EVI5: variants seen among roughly 807,000 people sequenced by gnomAD.
EVI5 encodes the protein ecotropic viral integration site 5 protein homolog.
A neutral mutation model predicts 112.0 loss-of-function variants in EVI5; 73 were observed. The observed-to-expected ratio is 0.65, with a 90% CI of 0.54 to 0.79. The LOEUF is 0.79. Among genes scored for constraint, EVI5 ranks in the 30% least tolerant of loss-of-function variants. The pLI is 0.00. For synonymous variants in EVI5, 305 were observed against 319.9 expected (o/e 0.95, Z 0.50); for missense variants, 900 against 968.8 (o/e 0.93, Z 0.94).
intron 19 of EVI5, among the ~76,000 whole-genome samples, chr1:92,561,058 T>A (rs1199608812): frequency 6.6e-6 from 1 of 152,164 alleles, no homozygotes; most frequent in Admixed American, 6.5e-5. Flanking sequence ...TCTGTTTTCA[T>A]CACATAGACA....
chr1:92,752,698 C>A (rs1680372269), intron 1 of EVI5, among the ~76,000 whole-genome samples: 1 of 152,008 alleles, frequency 6.6e-6, no homozygotes, highest in Non-Finnish European at 1.5e-5. Context: ...TTATGACATC[C>A]TCCTCCATAT....
intron 1 of EVI5, among the ~76,000 whole-genome samples, chr1:92,738,938 CCTGT>C (rs1387388451): frequency 1.3e-5 from 2 of 152,046 alleles, no homozygotes; most frequent in Non-Finnish European, 2.9e-5. Context: ...TCACAAAGTT[CCTGT>C]CTATCTCATA....
intron 14 of EVI5, among the ~76,000 whole-genome samples, chr1:92,630,305 T>TTC (rs1470988280): frequency 1.3e-5 from 2 of 152,210 alleles, no homozygotes; most frequent in Non-Finnish European, 2.9e-5. Context: ...GTGTTCCTAT[T>TTC]TCTCCACATC....
At chr1:92,567,285 T>G (rs1669648792) in intron 18 of EVI5, among the ~76,000 whole-genome samples, 1 of 152,188 alleles carries the variant, frequency 6.6e-6, no homozygotes, top group African/African-American at 2.4e-5. Flanking sequence ...AAAGTTACAC[T>G]AAGCTAAGGT....
chr1:92,694,196 C>T (rs1044394931), intron 8 of EVI5, 103 bp downstream of exon 8: 6 of 668,102 alleles, frequency 9.0e-6, no homozygotes, highest in Non-Finnish European at 1.6e-5. Flanking sequence ...ACCTGGGAGG[C>T]AGAGGTTGCA....
chr1:92,563,657 T>C lies in EVI5; in HGVS notation c.2151A>G (p.Ala717=), dbSNP rs1243462392. 2 of 1,585,714 alleles carry C rather than the reference T, an allele frequency of 1.3e-6. No individual in the cohort carries two copies. Among genetic ancestry groups the C allele is most frequent in the African/African-American group, 1.3e-5 (1 of 74,334 alleles). The change falls in exon 19 of 20, where the codon GCA becomes GCG. Residue 717 remains alanine (A), a synonymous_variant. Coordinates refer to ENST00000684568, the MANE Select transcript of EVI5 (RefSeq NM_001350197.2). ...TATCACTTACCTCATGATTCAGCTC[T>C]GCTATCTGATCTTTCAGTTCCCCAA... The part of the protein sequence containing the change: ...QYIGELKDQI[A]ELNHELRCLK...
intron 9 of EVI5, among the ~76,000 whole-genome samples, chr1:92,680,474 A>C (rs1051988940): frequency 2.0e-5 from 3 of 152,198 alleles, no homozygotes; most frequent in Non-Finnish European, 4.4e-5. Flanking sequence ...TAAATAAATG[A>C]GGGTGAAGGG....
At chr1:92,559,526 C>T (rs1668188157) in intron 19 of EVI5, among the ~76,000 whole-genome samples, 1 of 152,030 alleles carries the variant, frequency 6.6e-6, no homozygotes, top group African/African-American at 2.4e-5. Flanking sequence ...GTAATCCCAG[C>T]ACTTTGGGAG....
chr1:92,559,474 A>G (rs765947175), intron 19 of EVI5, among the ~76,000 whole-genome samples: 30 of 151,954 alleles, frequency 2.0e-4, no homozygotes, highest in Non-Finnish European at 3.1e-4. Context: ...ACTGATTTTC[A>G]CACATTAAGA....
At chr1:92,699,825 T>C (rs1670872411) in intron 5 of EVI5, among the ~76,000 whole-genome samples, 1 of 152,210 alleles carries the variant, frequency 6.6e-6, no homozygotes, top group Non-Finnish European at 1.5e-5. Context: ...CAGTCCACCG[T>C]TGACCAAAAT....
chr1:92,661,049 G>A (rs1304604469), intron 13 of EVI5, among the ~76,000 whole-genome samples: 1 of 151,866 alleles, frequency 6.6e-6, no homozygotes, highest in Non-Finnish European at 1.5e-5. Flanking sequence ...CTGTCTTTGA[G>A]TATACAAGAT....
chr1:92,606,902 ACACACACACACACACACACACCCC>A (rs1468951842), intron 17 of EVI5, among the ~76,000 whole-genome samples: 1 of 99,252 alleles, frequency 1.0e-5, no homozygotes, highest in Non-Finnish European at 2.2e-5. Context: ...ACACACACAC[ACACACACACACACACACACACCCC>A]CCCAAACCCT....
chr1:92,513,675 G>A lies in EVI5; in HGVS notation c.2462C>T (p.Ser821Leu), dbSNP rs1213431324. Residue 821 changes from serine to leucine, a missense_variant, in exon 20 of 20, where the codon TCG becomes TTG. Physicochemically the swap from Ser to Leu is moderately radical, Grantham distance 145 (BLOSUM62 -2). Coordinates refer to ENST00000684568, the MANE Select transcript of EVI5 (RefSeq NM_001350197.2). ...TGATGGTCAGACAGTGGTTGAATAC[G>A]ACTCTCTTCTTCTCGGGGGCCGCTC... ...QKERPPRRRE[S>L]YSTTV 1.6e-5 allele frequency: 25 copies of A among 1,606,742 alleles called. No individual in the cohort carries two copies. The highest frequency in any genetic ancestry group is 2.2e-5 in the East Asian group (1 of 44,782).
intron 1 of EVI5, among the ~76,000 whole-genome samples, chr1:92,750,666 C>T (rs767409439): frequency 2.0e-4 from 31 of 152,090 alleles, no homozygotes; most frequent in Middle Eastern, 3.2e-3. Context: ...TACCCCGTTG[C>T]CTTTTTCCCC....
At chr1:92,792,213 C>T in intron 1 of EVI5, 2 of 618,916 alleles carry the variant, frequency 3.2e-6, no homozygotes, top group East Asian at 2.8e-5. Flanking sequence ...GAAATGTTAA[C>T]AAGCTGTTCC....
At chr1:92,619,814 G>A (rs575303423) in intron 16 of EVI5, among the ~76,000 whole-genome samples, 6 of 151,838 alleles carry the variant, frequency 4.0e-5, no homozygotes, top group East Asian at 1.9e-4. Context: ...AGTAACAGAC[G>A]TAAAGAATAC....
intron 19 of EVI5, among the ~76,000 whole-genome samples, chr1:92,528,013 T>C (rs1230285223): frequency 6.6e-6 from 1 of 152,242 alleles, no homozygotes; most frequent in Non-Finnish European, 1.5e-5. Flanking sequence ...TAGTAAATAC[T>C]GCCAAACCAT....
chr1:92,517,871 T>TACA (rs1660175510), intron 19 of EVI5, among the ~76,000 whole-genome samples: 1 of 147,502 alleles, frequency 6.8e-6, no homozygotes, highest in Non-Finnish European at 1.5e-5. Context: ...AAATTACACA[T>TACA]ACAATATTAT....
intron 18 of EVI5, among the ~76,000 whole-genome samples, chr1:92,591,198 G>A (rs1276364106): frequency 6.6e-6 from 1 of 152,182 alleles, no homozygotes; most frequent in Non-Finnish European, 1.5e-5. Context: ...GGAAGAAACT[G>A]CATCAACTAA....
Sources: gnomAD v4.1 joint callset for allele counts (sites outside exome capture counted in the v4.1 genomes callset) on GRCh38, gnomAD v4.1.1 for gene constraint, MANE v1.5 for transcripts, NCBI Gene and HGNC (gene_info 2026-07-23, HGNC 2026-07-21) for gene names.